LRRC4C: variants seen among roughly 807,000 people sequenced by gnomAD.
The protein encoded by LRRC4C is leucine rich repeat containing 4C.
Under a neutral mutation model 33.6 loss-of-function variants are expected in LRRC4C, and 5 were observed. The ratio of observed to expected loss-of-function variants is 0.15; its 90% CI spans 0.08 to 0.31. The LOEUF (loss-of-function observed/expected upper bound fraction) is 0.31, where lower values mean the gene tolerates loss of function less well. Among genes scored for constraint, LRRC4C ranks in the 10% least tolerant of loss-of-function variants. The pLI, the probability that LRRC4C is intolerant of heterozygous loss-of-function variation, is 1.00. For missense variants in LRRC4C, 560 were observed against 796.7 expected, an observed-to-expected ratio of 0.70 and a Z score of 3.58; for synonymous variants, 329 against 302.0, an observed-to-expected ratio of 1.09 and a Z score of -0.93.
At chr11:40,303,859 T>C (rs1944900241) in intron 4 of LRRC4C, among the ~76,000 whole-genome samples, 1 of 152,210 alleles carries the variant, frequency 6.6e-6, no homozygotes, top group African/African-American at 2.4e-5. Flanking sequence ...TTCTGCCTGA[T>C]GAAGTGCTTT....
At chr11:40,313,599 CTTTTTTTTTTT>C (rs60735627) in intron 4 of LRRC4C, among the ~76,000 whole-genome samples, 2 of 72,534 alleles carry the variant, frequency 2.8e-5, no homozygotes, top group East Asian at 4.9e-4. Context: ...AGGGGAAATT[CTTTTTTTTTTT>C]TTTTTTTTTT....
In LRRC4C at chr11:40,337,626, A is replaced by G. The variant is rs144949324; in HGVS notation, c.-269-17905T>C. The stretch of plus-strand genomic sequence containing the variant: ...CAGTTTTAAATAAGTTATAATCTGA[A>G]ATAATCTGTTTACTCTTCTCCCAGA... On this transcript the variant is annotated intron_variant, in intron 3 of 6. Coordinates refer to ENST00000528697, the MANE Select transcript of LRRC4C (RefSeq NM_001258419.2). Among the ~76,000 whole-genome samples, 886 of 152,326 alleles carry G rather than the reference A, an allele frequency of 5.8e-3. 7 individuals carry two copies. Among genetic ancestry groups the G allele is most frequent in the African/African-American group, 0.02 (839 of 41,570 alleles).
chr11:41,051,131 C>T (rs540515998), intron 1 of LRRC4C, among the ~76,000 whole-genome samples: 1 of 152,184 alleles, frequency 6.6e-6, no homozygotes, highest in African/African-American at 2.4e-5. Flanking sequence ...GTTTAAGACC[C>T]TGGTTTCACA....
At chr11:40,173,618 AG>A (rs1205355499) in intron 5 of LRRC4C, among the ~76,000 whole-genome samples, 1 of 152,162 alleles carries the variant, frequency 6.6e-6, no homozygotes, top group African/African-American at 2.4e-5. Flanking sequence ...CTACCTATAA[AG>A]GTCTATACAT....
intron 1 of LRRC4C, among the ~76,000 whole-genome samples, chr11:40,940,804 G>A (rs1335367945): frequency 6.6e-6 from 1 of 151,852 alleles, no homozygotes; most frequent in African/African-American, 2.4e-5. Flanking sequence ...GTAAATCTGG[G>A]TTCATATCCA....
chr11:40,229,193 C>T (rs1271165774), intron 5 of LRRC4C, among the ~76,000 whole-genome samples: 1 of 152,036 alleles, frequency 6.6e-6, no homozygotes, highest in East Asian at 1.9e-4. Context: ...CAGCCTTTTC[C>T]TCTGTAACTA....
intron 1 of LRRC4C, among the ~76,000 whole-genome samples, chr11:41,240,633 A>G (rs981657769): frequency 6.6e-6 from 1 of 152,184 alleles, no homozygotes; most frequent in Non-Finnish European, 1.5e-5. Context: ...ACCGTTTTGC[A>G]TAAGTGGATT....
chr11:40,954,919 C>T (rs180828016), intron 1 of LRRC4C, among the ~76,000 whole-genome samples: 165 of 151,902 alleles, frequency 1.1e-3, no homozygotes, highest in Non-Finnish European at 4.1e-4. Flanking sequence ...TCTTGATCCC[C>T]AGAGACTGGA....
chr11:40,873,657 G>A (rs1417595090), intron 2 of LRRC4C, among the ~76,000 whole-genome samples: 1 of 151,930 alleles, frequency 6.6e-6, no homozygotes, highest in African/African-American at 2.4e-5. Context: ...GATCAATATC[G>A]ATCTCCCATA....
At chr11:40,848,809 T>C (rs1953331223) in intron 2 of LRRC4C, among the ~76,000 whole-genome samples, 1 of 152,198 alleles carries the variant, frequency 6.6e-6, no homozygotes, top group Non-Finnish European at 1.5e-5. Context: ...CTGGACTTGC[T>C]TTATGAATCT....
chr11:40,647,676 C>A (rs973175276), intron 3 of LRRC4C, among the ~76,000 whole-genome samples: 1 of 152,182 alleles, frequency 6.6e-6, no homozygotes, highest in African/African-American at 2.4e-5. Flanking sequence ...AATCGAAAGC[C>A]AGCTACCATT....
In LRRC4C at chr11:40,352,413, C is replaced by T. The variant is rs184440637; in HGVS notation, c.-269-32692G>A. On this transcript the variant is annotated intron_variant, in intron 3 of 6. Transcript: ENST00000528697. ...TTTACAAATTAACTTCATCCCACTC[C>T]GCTTTTAAACTTTTGGTTGTTCCTA... Among the ~76,000 whole-genome samples, 45 of 151,944 alleles carry T rather than the reference C, an allele frequency of 3.0e-4. No individual in the cohort carries two copies. The East Asian group carries it at 6.8e-3, about 23-fold the overall frequency.
At chr11:41,068,170 AT>A (rs1470270477) in intron 1 of LRRC4C, among the ~76,000 whole-genome samples, 1 of 152,182 alleles carries the variant, frequency 6.6e-6, no homozygotes, top group Non-Finnish European at 1.5e-5. Flanking sequence ...AGGCAGGCAG[AT>A]CACCTGAGGT....
At chr11:40,441,117 T>A (rs771035814) in intron 3 of LRRC4C, among the ~76,000 whole-genome samples, 2 of 152,190 alleles carry the variant, frequency 1.3e-5, no homozygotes, top group Non-Finnish European at 1.5e-5. Context: ...GGGTTTGATG[T>A]CAGTGTAGTC....
At chr11:40,870,921 A>G (rs1429816446) in intron 2 of LRRC4C, among the ~76,000 whole-genome samples, 1 of 152,218 alleles carries the variant, frequency 6.6e-6, no homozygotes, top group Non-Finnish European at 1.5e-5. Flanking sequence ...TGGGAGAAAT[A>G]TCGCTGAATT....
At chr11:40,676,336 A>G (rs929106163) in intron 2 of LRRC4C, among the ~76,000 whole-genome samples, 8 of 152,164 alleles carry the variant, frequency 5.3e-5, no homozygotes, top group Non-Finnish European at 8.8e-5. Flanking sequence ...GTTTCATTGA[A>G]TCATAGAAAC....
Position 40,949,586 on chromosome 11 carries a change from T to C in LRRC4C, c.-495-15863A>G, listed in dbSNP as rs892400134. On this transcript the variant is annotated intron_variant, in intron 1 of 6. Coordinates refer to ENST00000528697, the MANE Select transcript of LRRC4C (RefSeq NM_001258419.2). ...TCAACATTCTTAAAGAAAAGAATTT[T>C]CAACCCAGAATTTCATATCCAGCCA... 8.2e-4 allele frequency among the ~76,000 whole-genome samples: 125 copies of C among 152,174 alleles called. 1 individual carries two copies. Among genetic ancestry groups the C allele is most frequent in the African/African-American group, 2.9e-3 (122 of 41,514 alleles).
At chr11:40,665,540 T>C (rs1158075283) in intron 2 of LRRC4C, among the ~76,000 whole-genome samples, 1 of 151,184 alleles carries the variant, frequency 6.6e-6, no homozygotes, top group Non-Finnish European at 1.5e-5. Flanking sequence ...TTTCAGAGAA[T>C]CACAACACCT....
chr11:40,177,222 G>T (rs1860580790), intron 5 of LRRC4C, among the ~76,000 whole-genome samples: 1 of 151,216 alleles, frequency 6.6e-6, no homozygotes. Context: ...CAAAGTGCTG[G>T]GATTACAGGC....
Sources: allele counts gnomAD v4.1 joint callset (sites outside exome capture counted in the v4.1 genomes callset), GRCh38; gene constraint gnomAD v4.1.1; transcripts MANE v1.5; gene names NCBI Gene and HGNC (gene_info 2026-07-23, HGNC 2026-07-21).